The following RASGRF2 variants were observed in gnomAD, a reference collection of about 807,000 sequenced individuals.
RASGRF2 encodes the protein Ras protein specific guanine nucleotide releasing factor 2.
A neutral mutation model predicts 151.0 loss-of-function variants in RASGRF2; 76 were observed. That is an observed-to-expected ratio of 0.50 (90% CI 0.42 to 0.61). The LOEUF is 0.61. Among genes scored for constraint, RASGRF2 ranks in the 20% least tolerant of loss-of-function variants. The pLI, the probability that RASGRF2 is intolerant of heterozygous loss-of-function variation, is 0.00. For missense variants in RASGRF2, 1,148 were observed against 1,564.6 expected (o/e 0.73, Z 4.49); for synonymous variants, 504 against 566.5 (o/e 0.89, Z 1.57).
chr5:81,103,530 T>G (rs544386566), intron 12 of RASGRF2, among the ~76,000 whole-genome samples: 1 of 152,180 alleles, frequency 6.6e-6, no homozygotes, highest in African/African-American at 2.4e-5. Flanking sequence ...ATAGAAAAGA[T>G]GCAGTCTCCA....
chr5:81,026,045 TCCATCCTTCCC>T (rs1451630888), intron 1 of RASGRF2, among the ~76,000 whole-genome samples: 1 of 27,796 alleles, frequency 3.6e-5, no homozygotes, highest in Non-Finnish European at 6.6e-5. Flanking sequence ...CCTCCTTCCT[TCCATCCTTCCC>T]TTCTTCTCCT....
chr5:80,994,336 A>C (rs1044659553), intron 1 of RASGRF2, among the ~76,000 whole-genome samples: 1 of 145,372 alleles, frequency 6.9e-6, no homozygotes, highest in Non-Finnish European at 1.5e-5. Context: ...ACTGCACTCC[A>C]GCCTGGGCGA....
chr5:81,056,806 G>T (rs1751231303), intron 2 of RASGRF2, among the ~76,000 whole-genome samples: 1 of 152,144 alleles, frequency 6.6e-6, no homozygotes, highest in Non-Finnish European at 1.5e-5. Context: ...ATGAATCTGG[G>T]TGCTCCTGTA....
At chr5:81,190,071 C>T (rs990482441) in intron 18 of RASGRF2, among the ~76,000 whole-genome samples, 4 of 152,138 alleles carry the variant, frequency 2.6e-5, no homozygotes, top group Admixed American at 2.0e-4. Context: ...TTCTAGCTGT[C>T]GACACTGTCA....
chr5:81,106,596 C>T (rs1332538818), intron 12 of RASGRF2, among the ~76,000 whole-genome samples: 1 of 152,222 alleles, frequency 6.6e-6, no homozygotes, highest in East Asian at 1.9e-4. Context: ...CACCAGCCAG[C>T]CCCATCTCTT....
At chr5:81,093,943 T>A (rs1013977855) in intron 10 of RASGRF2, among the ~76,000 whole-genome samples, 2 of 152,142 alleles carry the variant, frequency 1.3e-5, no homozygotes, top group African/African-American at 4.8e-5. Context: ...AACACCATGA[T>A]GACAGCTTTC....
At chr5:81,074,475 C>T (rs1333767206) in intron 5 of RASGRF2, among the ~76,000 whole-genome samples, 1 of 152,130 alleles carries the variant, frequency 6.6e-6, no homozygotes, top group Non-Finnish European at 1.5e-5. Context: ...TCTGTCCACC[C>T]GATTCCCCCC....
In RASGRF2 at chr5:81,103,242, G is replaced by A. The variant is rs144184176; in HGVS notation, c.1756-5754G>A. 7.4e-4 allele frequency among the ~76,000 whole-genome samples: 113 copies of A among 151,872 alleles called. 1 individual carries two copies. Among genetic ancestry groups the A allele is most frequent in the African/African-American group, 2.6e-3 (107 of 41,412 alleles). On this transcript the variant is annotated intron_variant, in intron 12 of 26. Transcript: ENST00000265080. ...ACCATAGCTAGTGAGATGATTAAGA[G>A]CCAGGTTATATATATAGGTATGTGG...
At chr5:81,223,340 G>A (rs1200304368) in intron 26 of RASGRF2, 2 of 151,954 alleles carry the variant, frequency 1.3e-5, no homozygotes, top group Non-Finnish European at 2.9e-5. Flanking sequence ...CCTAAAGTGA[G>A]AGTAAATAAG....
intron 2 of RASGRF2, 129 bp from the exon 3 acceptor site, chr5:81,067,903 T>C (rs972630771): frequency 1.3e-5 from 9 of 712,584 alleles, no homozygotes; most frequent in Admixed American, 1.1e-4. Context: ...TTAACATTTA[T>C]GTCAAGTAGA....
At chr5:81,191,252 G>T (rs1755148737) in intron 18 of RASGRF2, among the ~76,000 whole-genome samples, 1 of 152,058 alleles carries the variant, frequency 6.6e-6, no homozygotes, top group Admixed American at 6.5e-5. Flanking sequence ...TTCTCTTTGT[G>T]TTCCTCTCCT....
intron 13 of RASGRF2, 90 bp downstream of exon 13, chr5:81,109,168 A>G: frequency 6.7e-7 from 1 of 1,483,274 alleles, no homozygotes; most frequent in Non-Finnish European, 9.0e-7. Flanking sequence ...TGTCAATAGA[A>G]TTCTGCTTCT....
chr5:81,169,574 G>T (rs1051247556), intron 17 of RASGRF2, among the ~76,000 whole-genome samples: 3 of 152,126 alleles, frequency 2.0e-5, no homozygotes, highest in Non-Finnish European at 1.5e-5. Context: ...CTCTTATAAT[G>T]ATTAGGACGC....
intron 1 of RASGRF2, among the ~76,000 whole-genome samples, chr5:80,998,968 C>T (rs1045137482): frequency 6.6e-6 from 1 of 152,150 alleles, no homozygotes; most frequent in Non-Finnish European, 1.5e-5. Flanking sequence ...GTAAAATACT[C>T]TCTTGGTCCC....
intron 17 of RASGRF2, among the ~76,000 whole-genome samples, chr5:81,177,066 A>C (rs1429357429): frequency 1.3e-5 from 2 of 152,186 alleles, no homozygotes; most frequent in South Asian, 4.2e-4. Context: ...TGTGGATGTT[A>C]CAATCCCAAC....
At chr5:81,124,096 G>A (rs1479534135) in intron 16 of RASGRF2, among the ~76,000 whole-genome samples, 5 of 152,052 alleles carry the variant, frequency 3.3e-5, no homozygotes, top group South Asian at 2.1e-4. Flanking sequence ...CATTGTGTTA[G>A]TTATTATAAA....
At chr5:81,181,845 C>T (rs989109048) in intron 18 of RASGRF2, among the ~76,000 whole-genome samples, 9 of 152,150 alleles carry the variant, frequency 5.9e-5, no homozygotes, top group African/African-American at 2.2e-4. Flanking sequence ...TTCTCAATCC[C>T]CAGTGCCCTC....
intron 12 of RASGRF2, among the ~76,000 whole-genome samples, chr5:81,098,408 T>C (rs1191674067): frequency 6.6e-6 from 1 of 152,090 alleles, no homozygotes; most frequent in African/African-American, 2.4e-5. Flanking sequence ...ATTTGGGTGG[T>C]ATTTAAGGCT....
At chr5:81,099,615 G>T (rs535272358) in intron 12 of RASGRF2, among the ~76,000 whole-genome samples, 3 of 152,194 alleles carry the variant, frequency 2.0e-5, no homozygotes, top group East Asian at 1.9e-4. Context: ...CATCAACAAG[G>T]TATCTATGTA....
Sources: gnomAD v4.1 joint callset for allele counts (sites outside exome capture counted in the v4.1 genomes callset) on GRCh38, gnomAD v4.1.1 for gene constraint, MANE v1.5 for transcripts, NCBI Gene and HGNC (gene_info 2026-07-23, HGNC 2026-07-21) for gene names.